Variants in KSR2 observed in about 807,000 individuals in gnomAD.
KSR2 encodes kinase suppressor of ras 2.
A neutral mutation model predicts 107.8 loss-of-function variants in KSR2; 25 were observed. The ratio of observed to expected loss-of-function variants is 0.23; its 90% CI spans 0.17 to 0.32. The LOEUF is 0.32. Ranked by LOEUF, KSR2 falls within the 10% of genes least tolerant of loss-of-function variation. The probability of loss-of-function intolerance (pLI) is 1.00; values close to 1 mark genes in which losing one functional copy is unlikely to be tolerated. For synonymous variants in KSR2, 480 were observed against 507.0 expected (o/e 0.95, Z 0.71); for missense variants, 887 against 1,268.9 (o/e 0.70, Z 4.57).
intron 4 of KSR2, among the ~76,000 whole-genome samples, chr12:117,708,598 A>G (rs2121296): frequency 0.65 from 98,770 of 152,054 alleles, 34,425 homozygotes; most frequent in African/African-American, 0.91. Flanking sequence ...TAGTATTGCC[A>G]GAGAATATCT....
intron 4 of KSR2, among the ~76,000 whole-genome samples, chr12:117,692,983 G>T (rs902964056): frequency 6.6e-6 from 1 of 152,200 alleles, no homozygotes; most frequent in South Asian, 2.1e-4. Flanking sequence ...AGAGGTGGTG[G>T]TTGTGCAACA....
At chr12:117,860,541 T>C in intron 1 of KSR2, 110 bp from the exon 2 acceptor site, 1 of 1,055,558 alleles carries the variant, frequency 9.5e-7, no homozygotes, top group Non-Finnish European at 1.3e-6. Context: ...AACTCTATTT[T>C]AAAGACTGGT....
At chr12:117,499,226 A>G (rs1016968638) in intron 14 of KSR2, among the ~76,000 whole-genome samples, 7 of 152,242 alleles carry the variant, frequency 4.6e-5, no homozygotes, top group Admixed American at 3.9e-4. Context: ...CTGTACACAT[A>G]TATCACCTAA....
chr12:117,622,349 C>CTTCACAGACTCTG (rs1231816699), intron 5 of KSR2, among the ~76,000 whole-genome samples: 2 of 152,184 alleles, frequency 1.3e-5, no homozygotes, highest in African/African-American at 4.8e-5. Context: ...TACAATCAGC[C>CTTCACAGACTCTG]TTCACAGACT....
At chr12:117,933,909 T>C (rs1407968223) in intron 1 of KSR2, among the ~76,000 whole-genome samples, 1 of 152,122 alleles carries the variant, frequency 6.6e-6, no homozygotes, top group Non-Finnish European at 1.5e-5. Context: ...CCAAAAAAGA[T>C]ACATGGCGCC....
At chr12:117,934,546 G>A (rs1323073559) in intron 1 of KSR2, among the ~76,000 whole-genome samples, 2 of 152,198 alleles carry the variant, frequency 1.3e-5, no homozygotes, top group South Asian at 2.1e-4. Flanking sequence ...CCTGGATCTA[G>A]CCACGCTGAA....
At chr12:117,811,494 G>T (rs1016877825) in intron 3 of KSR2, among the ~76,000 whole-genome samples, 3 of 152,188 alleles carry the variant, frequency 2.0e-5, no homozygotes, top group African/African-American at 7.2e-5. Context: ...GAAGCCCAGC[G>T]ATCTGTGTTT....
intron 16 of KSR2, among the ~76,000 whole-genome samples, chr12:117,478,896 A>AGT (rs1197769765): frequency 5.9e-5 from 9 of 152,376 alleles, no homozygotes; most frequent in African/African-American, 2.2e-4. Flanking sequence ...GTCACTCTGT[A>AGT]GTGTGGCCAT....
chr12:117,517,308 G>C (rs10850837), intron 14 of KSR2, among the ~76,000 whole-genome samples: 64,106 of 152,112 alleles, frequency 0.42, 13,652 homozygotes, highest in South Asian at 0.55. Context: ...TGGGACAAAT[G>C]CCTGGATGGA....
intron 14 of KSR2, among the ~76,000 whole-genome samples, chr12:117,509,758 C>T (rs1034889074): frequency 6.6e-6 from 1 of 152,206 alleles, no homozygotes; most frequent in Non-Finnish European, 1.5e-5. Flanking sequence ...TCTGAGGATG[C>T]TTGTGACCCC....
At chr12:117,644,226 A>G (rs1174666833) in intron 5 of KSR2, among the ~76,000 whole-genome samples, 1 of 152,212 alleles carries the variant, frequency 6.6e-6, no homozygotes, top group Non-Finnish European at 1.5e-5. Flanking sequence ...AGCACTGGTG[A>G]ATTATGGCCC....
At chr12:117,775,577 C>A (rs1386648969) in intron 3 of KSR2, among the ~76,000 whole-genome samples, 1 of 152,222 alleles carries the variant, frequency 6.6e-6, no homozygotes. Flanking sequence ...CAAAACCTGG[C>A]AGTCTGACCA....
chr12:117,779,709 T>C (rs916407740), intron 3 of KSR2, among the ~76,000 whole-genome samples: 2 of 152,196 alleles, frequency 1.3e-5, no homozygotes, highest in African/African-American at 4.8e-5. Flanking sequence ...GTCCTCTCTC[T>C]TTCCTGCCGC....
chr12:117,671,389 G>A (rs1259860737), intron 4 of KSR2, among the ~76,000 whole-genome samples: 1 of 152,184 alleles, frequency 6.6e-6, no homozygotes, highest in Non-Finnish European at 1.5e-5. Flanking sequence ...ACAGATTGAT[G>A]GCAACAGTTT....
intron 12 of KSR2, among the ~76,000 whole-genome samples, 175 bp from the exon 13 acceptor site, chr12:117,527,294 CACACACAG>C (rs1247204683): frequency 1.7e-4 from 13 of 76,196 alleles, no homozygotes; most frequent in Admixed American, 4.6e-4. Flanking sequence ...CACACACACA[CACACACAG>C]ACACACACAC....
At chr12:117,734,424 T>C (rs528669609) in intron 4 of KSR2, among the ~76,000 whole-genome samples, 1 of 152,070 alleles carries the variant, frequency 6.6e-6, no homozygotes, top group Non-Finnish European at 1.5e-5. Flanking sequence ...CTGGGGAGCT[T>C]CTCCTAGACC....
intron 14 of KSR2, among the ~76,000 whole-genome samples, chr12:117,516,444 C>T (rs1874381927): frequency 6.6e-6 from 1 of 152,218 alleles, no homozygotes; most frequent in Non-Finnish European, 1.5e-5. Flanking sequence ...AAAACACTTG[C>T]TGTTTGTAGT....
At chr12:117,499,141 G>A (rs1873214979) in intron 14 of KSR2, among the ~76,000 whole-genome samples, 1 of 152,216 alleles carries the variant, frequency 6.6e-6, no homozygotes, top group African/African-American at 2.4e-5. Context: ...TCAAAACGCT[G>A]AGATCTTTTT....
chr12:117,592,258 T>C (rs1310351256), intron 5 of KSR2, among the ~76,000 whole-genome samples: 5 of 151,684 alleles, frequency 3.3e-5, no homozygotes, highest in Admixed American at 2.0e-4. Context: ...GGATTACAGG[T>C]ACCCACAACC....
Sources: allele counts gnomAD v4.1 joint callset (sites outside exome capture counted in the v4.1 genomes callset), GRCh38; gene constraint gnomAD v4.1.1; transcripts MANE v1.5; gene names NCBI Gene and HGNC (gene_info 2026-07-23, HGNC 2026-07-21).